FOXN4: variants seen among roughly 807,000 people sequenced by gnomAD.
FOXN4 encodes the protein forkhead box protein N4.
In FOXN4, 12 loss-of-function variants were observed where a neutral mutation model predicts 45.0. The observed-to-expected ratio is 0.27, with a 90% CI of 0.17 to 0.43. The LOEUF (loss-of-function observed/expected upper bound fraction) is 0.43. Among genes scored for constraint, FOXN4 ranks in the 20% least tolerant of loss-of-function variants. The pLI is 1.00. For missense variants in FOXN4, 560 were observed against 694.9 expected (o/e 0.81, Z 2.18); for synonymous variants, 297 against 295.0 (o/e 1.01, Z -0.07).
Position 109,287,722 on chromosome 12 carries a change from G to A in FOXN4, c.468+122C>T, listed in dbSNP as rs1008751800. 1.3e-5 allele frequency: 15 copies of A among 1,119,310 alleles called. No homozygotes were observed. In the Admixed American group the frequency reaches 1.7e-4, roughly 13 times the overall value. The allele number at this position is 1,119,310 out of a possible 1,614,324, so 69.3% of individuals were successfully genotyped here. A position where few individuals can be genotyped will look rare whatever the true frequency, so the allele number is the denominator to read the frequency against. On this transcript the variant is annotated intron_variant, in intron 5 of 9. Coordinates refer to ENST00000299162, the MANE Select transcript of FOXN4 (RefSeq NM_213596.3). The surrounding 1 kb of genome is among the most constrained non-coding windows in gnomAD (Gnocchi z 4.1). ...AACGGAATGAATGACCCCATGACATGAGCATGGAGGGAATGTTATCCCCAT... is the reference window on the plus strand; with the variant it reads ...AACGGAATGAATGACCCCATGACATAAGCATGGAGGGAATGTTATCCCCAT...
At chr12:109,285,599 A>G (rs1593770949) in intron 7 of FOXN4, 88 bp from the exon 8 acceptor site, 1 of 1,367,992 alleles carries the variant, frequency 7.3e-7, no homozygotes, top group East Asian at 2.3e-5. Context: ...TAGGGGCAGG[A>G]CACCGCGGTG....
chr12:109,280,367 G>T (rs1444236090), intron 9 of FOXN4, among the ~76,000 whole-genome samples: 1 of 122,428 alleles, frequency 8.2e-6, no homozygotes, highest in Non-Finnish European at 1.7e-5. Context: ...AAAAAAAAAA[G>T]CATGGAAGGG....
Position 109,287,462 on chromosome 12 carries a change from G to A in FOXN4, c.531C>T (p.His177=), listed in dbSNP as rs1345710292. The A allele has an allele frequency of 8.4e-6, 13 of 1,551,052 alleles. No individual in the cohort carries two copies. In the East Asian group the frequency reaches 1.2e-4, roughly 15 times the overall value. ...FGVRPPYPQP[H]VAVHSSQELH... ...GTTCTTGAGATGAATGCACAGCCAC[G>A]TGGGGCTGGGGGTAGGGGGGCCGCA... The change falls in exon 6 of 10, where the codon CAC becomes CAT. Residue 177 remains histidine, a synonymous_variant. Coordinates refer to ENST00000299162, the MANE Select transcript of FOXN4 (RefSeq NM_213596.3). The surrounding 1 kb of genome is among the most constrained non-coding windows in gnomAD (Gnocchi z 4.1).
In FOXN4 at chr12:109,290,190, T is replaced by C. The variant is rs969999761; in HGVS notation, c.183A>G (p.Ala61=). Reference sequence around the variant, plus strand: ...GGCCACCCAGGTCCACGCGGCCACTTGCCATCTGCTGCAGCCGAGGCACAT... The same window carrying C: ...GGCCACCCAGGTCCACGCGGCCACTCGCCATCTGCTGCAGCCGAGGCACAT... ...AVDVPRLQQM[A]SGRVDLGGPC... Residue 61 remains alanine, a synonymous_variant, in exon 3 of 10, where the codon GCA becomes GCG. Coordinates refer to ENST00000299162, the MANE Select transcript of FOXN4 (RefSeq NM_213596.3). This position sits in a 1 kb window ranked among gnomAD's most constrained non-coding sequence, Gnocchi z 5.1. 13 of 1,551,426 alleles carry C rather than the reference T, an allele frequency of 8.4e-6. No homozygotes were observed. Among genetic ancestry groups the C allele is most frequent in the African/African-American group, 1.4e-5 (1 of 73,152 alleles).
chr12:109,302,661 C>T (rs1317949058), intron 2 of FOXN4, among the ~76,000 whole-genome samples: 1 of 152,190 alleles, frequency 6.6e-6, no homozygotes, highest in Non-Finnish European at 1.5e-5. Context: ...GGCCACATTT[C>T]TCTCTTCCCA....
chr12:109,286,890 A>G, intron 6 of FOXN4, 146 bp from the exon 7 acceptor site: 1 of 1,432,986 alleles, frequency 7.0e-7, no homozygotes. Flanking sequence ...TGAGCTCTCA[A>G]TATCTTTTCA....
rs1170105177 is a variant in FOXN4 at position 109,291,688 on chromosome 12, T to C, written c.87-1402A>G. On this transcript the variant is annotated intron_variant, in intron 2 of 9. Coordinates refer to ENST00000299162, the MANE Select transcript of FOXN4 (RefSeq NM_213596.3). The surrounding 1 kb of genome is among the most constrained non-coding windows in gnomAD (Gnocchi z 6.6). ...GCTCAGTTGTCGCAGGGCCGGGCCC[T>C]GGGCCCACAAAGCTGGCATCAGGTG... Among the ~76,000 whole-genome samples the C allele has an allele frequency of 6.6e-6, 1 of 152,068 alleles. No individual in the cohort carries two copies. Among genetic ancestry groups the C allele is most frequent in the Non-Finnish European group, 1.5e-5 (1 of 68,008 alleles).
chr12:109,279,741 G>C lies in FOXN4; in HGVS notation c.1484C>G (p.Ala495Gly). 3.2e-6 allele frequency: 5 copies of C among 1,585,318 alleles called. No individual in the cohort carries two copies. Among genetic ancestry groups the C allele is most frequent in the Non-Finnish European group, 4.3e-6 (5 of 1,166,120 alleles). ...YTAYSTPDSVAASGTSSSSQY... is the reference protein window; with the variant it reads ...YTAYSTPDSVGASGTSSSSQY... ...GGAGGAGGAGCTGGTGCCCGATGCA[G>C]CCACACTGTCCGGAGTGGAGTACGC... is the stretch of plus-strand genomic sequence containing the variant. Residue 495 changes from alanine to glycine, a missense_variant, in exon 10 of 10, where the codon GCT becomes GGT. Physicochemically the swap from Ala to Gly is moderately conservative, Grantham distance 60. Transcript: ENST00000299162.
chr12:109,294,366 G>A (rs145591956), intron 2 of FOXN4, among the ~76,000 whole-genome samples: 147 of 152,216 alleles, frequency 9.7e-4, no homozygotes, highest in African/African-American at 3.2e-3. Flanking sequence ...CCTGGCTGTC[G>A]TAGGATCAGG....
chr12:109,297,203 G>C (rs1250137216), intron 2 of FOXN4, among the ~76,000 whole-genome samples: 1 of 152,248 alleles, frequency 6.6e-6, no homozygotes, highest in African/African-American at 2.4e-5. Context: ...CTGCACAGAA[G>C]GAGGTGAGTA....
intron 2 of FOXN4, among the ~76,000 whole-genome samples, chr12:109,294,021 G>A (rs568116839): frequency 2.6e-5 from 4 of 152,296 alleles, no homozygotes; most frequent in South Asian, 4.2e-4. Flanking sequence ...ACTCGAACCC[G>A]GGTCTGTCTG....
chr12:109,280,884 G>A (rs2047646299), intron 9 of FOXN4, among the ~76,000 whole-genome samples: 1 of 152,200 alleles, frequency 6.6e-6, no homozygotes, highest in Non-Finnish European at 1.5e-5. Flanking sequence ...GTGTGACCTG[G>A]CATGGGGCTG....
intron 1 of FOXN4, 42 bp from the exon 2 acceptor site, chr12:109,308,366 C>A: frequency 7.0e-7 from 1 of 1,420,600 alleles, no homozygotes; most frequent in Non-Finnish European, 9.7e-7. Flanking sequence ...CCATCAGCGA[C>A]GATATGGACA....
chr12:109,293,647 G>A (rs544029174), intron 2 of FOXN4, among the ~76,000 whole-genome samples: 16 of 152,302 alleles, frequency 1.1e-4, no homozygotes, highest in African/African-American at 2.4e-4. Flanking sequence ...ACAGGCACGC[G>A]CCACCACGCT....
chr12:109,303,284 C>A (rs2047884133), intron 2 of FOXN4, among the ~76,000 whole-genome samples: 1 of 152,148 alleles, frequency 6.6e-6, no homozygotes. Flanking sequence ...ATGGTTACTG[C>A]CCCTAAGAAA....
At chr12:109,292,728 C>T (rs1012018496) in intron 2 of FOXN4, among the ~76,000 whole-genome samples, 2 of 152,148 alleles carry the variant, frequency 1.3e-5, no homozygotes, top group South Asian at 4.1e-4. Flanking sequence ...CACCGACATG[C>T]CCCGGCCACT....
chr12:109,285,786 C>T (rs1255037361), intron 7 of FOXN4, among the ~76,000 whole-genome samples: 1 of 152,106 alleles, frequency 6.6e-6, no homozygotes, highest in Non-Finnish European at 1.5e-5. Context: ...CTTCCATATT[C>T]TCTCTCCCAT....
At chr12:109,284,580 T>C (rs959015225) in intron 8 of FOXN4, among the ~76,000 whole-genome samples, 3 of 150,738 alleles carry the variant, frequency 2.0e-5, no homozygotes, top group African/African-American at 4.9e-5. Flanking sequence ...TGCGTGTGTG[T>C]GTGCGCGCTG....
At chr12:109,306,224 T>C (rs759397554) in intron 2 of FOXN4, among the ~76,000 whole-genome samples, 2 of 152,136 alleles carry the variant, frequency 1.3e-5, no homozygotes, top group African/African-American at 4.8e-5. Flanking sequence ...AACTACTGAT[T>C]ATGTGTTTCT....
Sources: allele counts gnomAD v4.1 joint callset (sites outside exome capture counted in the v4.1 genomes callset), GRCh38; gene constraint gnomAD v4.1.1; non-coding constraint Gnocchi (gnomAD v3.1); transcripts MANE v1.5; gene names NCBI Gene and HGNC (gene_info 2026-07-23, HGNC 2026-07-21).